Variants in OSBPL8 observed in about 807,000 individuals in gnomAD.
OSBPL8 encodes oxysterol-binding protein-related protein 8.
OSBPL8 carries 59 observed loss-of-function variants against 125.5 expected under a neutral mutation model. The observed-to-expected ratio is 0.47, with a 90% CI of 0.38 to 0.58. The LOEUF is 0.58. Among genes scored for constraint, OSBPL8 ranks in the 20% least tolerant of loss-of-function variants. The pLI, the probability that OSBPL8 is intolerant of heterozygous loss-of-function variation, is 0.00. For missense variants in OSBPL8, 758 were observed against 1,047.8 expected, an observed-to-expected ratio of 0.72 and a Z score of 3.82; for synonymous variants, 330 against 338.9, an observed-to-expected ratio of 0.97 and a Z score of 0.29.
chr12:76,443,750 G>GC (rs955723845), intron 4 of OSBPL8, among the ~76,000 whole-genome samples: 2 of 152,140 alleles, frequency 1.3e-5, no homozygotes, highest in African/African-American at 4.8e-5. Flanking sequence ...CAGGTTATCT[G>GC]CCCCCCTTGG....
intron 3 of OSBPL8, among the ~76,000 whole-genome samples, chr12:76,451,953 T>C (rs1873467443): frequency 6.6e-6 from 1 of 152,118 alleles, no homozygotes. Flanking sequence ...ACCCCGTCTC[T>C]ACTAAAAATA....
At chr12:76,408,324 T>C (rs1592624316) in intron 5 of OSBPL8, among the ~76,000 whole-genome samples, 1 of 149,902 alleles carries the variant, frequency 6.7e-6, no homozygotes, top group Non-Finnish European at 1.5e-5. Flanking sequence ...TAGCCAGCTG[T>C]GGTGGCGGGC....
chr12:76,489,770 C>T (rs1287735823), intron 1 of OSBPL8, among the ~76,000 whole-genome samples: 2 of 152,232 alleles, frequency 1.3e-5, no homozygotes, highest in Non-Finnish European at 2.9e-5. Flanking sequence ...ATTTTAACTT[C>T]CATGTCTTAT....
chr12:76,456,433 T>C (rs1565911731), intron 3 of OSBPL8, among the ~76,000 whole-genome samples: 2 of 152,026 alleles, frequency 1.3e-5, no homozygotes, highest in South Asian at 4.1e-4. Context: ...GGCAGATTAT[T>C]TGAGGTCAGG....
chr12:76,410,153 T>C (rs1280744221), intron 5 of OSBPL8, among the ~76,000 whole-genome samples: 3 of 152,172 alleles, frequency 2.0e-5, no homozygotes, highest in East Asian at 3.8e-4. Context: ...CTGTCAATAG[T>C]AGGCAATTAC....
At chr12:76,429,445 C>T (rs1359675384) in intron 4 of OSBPL8, among the ~76,000 whole-genome samples, 1 of 150,816 alleles carries the variant, frequency 6.6e-6, no homozygotes, top group Non-Finnish European at 1.5e-5. Flanking sequence ...AACACAGAGA[C>T]ATTATTCCCA....
At chr12:76,381,927 G>T (rs552399146) in intron 15 of OSBPL8, among the ~76,000 whole-genome samples, 1 of 152,058 alleles carries the variant, frequency 6.6e-6, no homozygotes, top group South Asian at 2.1e-4. Context: ...TAGAGACAGG[G>T]TTTCACCATT....
Position 76,498,590 on chromosome 12 carries a change from C to G in OSBPL8, c.-67-10972G>C, listed in dbSNP as rs1439653961. ...TTTAAAACAAAGAAATGTTCAAATGCTTTGAACGCAGACATTTTATAAGCT... is the reference window on the plus strand; with the variant it reads ...TTTAAAACAAAGAAATGTTCAAATGGTTTGAACGCAGACATTTTATAAGCT... On this transcript the variant is annotated intron_variant, in intron 1 of 23. Transcript: ENST00000261183. 5.3e-5 allele frequency among the ~76,000 whole-genome samples: 8 copies of G among 152,292 alleles called. No individual in the cohort carries two copies. In the East Asian group the frequency reaches 1.5e-3, roughly 29 times the overall value.
intron 16 of OSBPL8, among the ~76,000 whole-genome samples, chr12:76,376,016 T>C (rs1478836078): frequency 6.6e-6 from 1 of 152,188 alleles, no homozygotes; most frequent in African/African-American, 2.4e-5. Context: ...TTTCTTTAAA[T>C]AGAAGCATAT....
chr12:76,549,648 G>A (rs758447928), intron 1 of OSBPL8, among the ~76,000 whole-genome samples: 70 of 152,008 alleles, frequency 4.6e-4, no homozygotes, highest in African/African-American at 8.2e-4. Flanking sequence ...TGATCCACCC[G>A]CCTCGGCCTC....
At chr12:76,529,747 A>G (rs1054185620) in intron 1 of OSBPL8, among the ~76,000 whole-genome samples, 2 of 152,316 alleles carry the variant, frequency 1.3e-5, no homozygotes, top group Non-Finnish European at 2.9e-5. Flanking sequence ...ATAAGGCTCT[A>G]GAGACAGTAG....
Position 76,439,580 on chromosome 12 carries a change from C to CT in OSBPL8, c.217+11270dup, listed in dbSNP as rs1440087877. 4.5e-3 allele frequency among the ~76,000 whole-genome samples: 646 copies of CT among 142,488 alleles called. 2 individuals are homozygous for CT. The highest frequency in any genetic ancestry group is 0.011 in the African/African-American group (422 of 39,540). 93.5% of individuals were successfully genotyped at this position (142,488 alleles called of 152,430 possible). On this transcript the variant is annotated intron_variant, in intron 4 of 23. Transcript: ENST00000261183. ...AAATGCAGTACTAATGTGAAATTACCTTTTTTTTTCCCTAAAGGCTTGGTA... is the reference window on the plus strand; with the variant it reads ...AAATGCAGTACTAATGTGAAATTACCTTTTTTTTTTCCCTAAAGGCTTGGTA...
chr12:76,383,355 A>G (rs1348103961), intron 15 of OSBPL8, among the ~76,000 whole-genome samples: 1 of 151,068 alleles, frequency 6.6e-6, no homozygotes, highest in Non-Finnish European at 1.5e-5. Flanking sequence ...CTTAAGGGGA[A>G]AAAAACAAGC....
chr12:76,360,202 A>G (rs576999358), intron 21 of OSBPL8, among the ~76,000 whole-genome samples: 25 of 152,360 alleles, frequency 1.6e-4, no homozygotes, highest in Admixed American at 6.5e-4. Flanking sequence ...TTGGGTAAAT[A>G]CAACTGTTCC....
At chr12:76,360,219 G>A in intron 21 of OSBPL8, among the ~76,000 whole-genome samples, 1 of 152,196 alleles carries the variant, frequency 6.6e-6, no homozygotes, top group Admixed American at 6.5e-5. Context: ...TTCCAAATGG[G>A]AGAAATTTGG....
chr12:76,406,383 A>G (rs1486994866), intron 5 of OSBPL8, among the ~76,000 whole-genome samples: 1 of 152,222 alleles, frequency 6.6e-6, no homozygotes, highest in African/African-American at 2.4e-5. Context: ...GCAAATAGTT[A>G]AACGGTTGAA....
At chr12:76,471,841 T>A (rs942283039) in intron 2 of OSBPL8, among the ~76,000 whole-genome samples, 1 of 152,242 alleles carries the variant, frequency 6.6e-6, no homozygotes, top group East Asian at 1.9e-4. Context: ...TACTTGTTAC[T>A]CTCACAGCTC....
At chr12:76,362,801 A>G (rs1388671823) in intron 21 of OSBPL8, among the ~76,000 whole-genome samples, 1 of 152,224 alleles carries the variant, frequency 6.6e-6, no homozygotes, top group Non-Finnish European at 1.5e-5. Context: ...TCAGCCCAAA[A>G]TCTCCTTAAG....
chr12:76,514,812 T>C (rs569338459), intron 1 of OSBPL8, among the ~76,000 whole-genome samples: 2 of 152,340 alleles, frequency 1.3e-5, no homozygotes, highest in East Asian at 3.9e-4. Flanking sequence ...TTTAGCCTCT[T>C]TACATAATCC....
Sources: allele counts gnomAD v4.1 joint callset (sites outside exome capture counted in the v4.1 genomes callset), GRCh38; gene constraint gnomAD v4.1.1; transcripts MANE v1.5; gene names NCBI Gene and HGNC (gene_info 2026-07-23, HGNC 2026-07-21).